AKAP3: variants seen among roughly 807,000 people sequenced by gnomAD.
AKAP3 encodes the protein A-kinase anchor protein 3.
Under a neutral mutation model 57.2 loss-of-function variants are expected in AKAP3, and 27 were observed. That is an observed-to-expected ratio of 0.47 (90% CI 0.35 to 0.65). AKAP3 has a LOEUF of 0.65. Ranked by LOEUF, AKAP3 falls within the 30% of genes least tolerant of loss-of-function variation. The pLI is 0.01. For missense variants in AKAP3, 959 were observed against 1,040.0 expected, an observed-to-expected ratio of 0.92 and a Z score of 1.07; for synonymous variants, 334 against 392.3, an observed-to-expected ratio of 0.85 and a Z score of 1.76.
chr12:4,644,932 T>G (rs1945680678), intron 2 of AKAP3, 123 bp downstream of exon 2: 1 of 151,962 alleles, frequency 6.6e-6, no homozygotes, highest in East Asian at 1.9e-4. Flanking sequence ...AAAAATCAGC[T>G]GGACAGAAGA....
chr12:4,638,439 G>A (rs1207484666), intron 3 of AKAP3, among the ~76,000 whole-genome samples: 2 of 152,068 alleles, frequency 1.3e-5, no homozygotes, highest in East Asian at 1.9e-4. Flanking sequence ...TGGTATCTGC[G>A]ACAGGTGCTT....
rs1945641982 is a variant in AKAP3 at position 4,641,898 on chromosome 12, C to G, written c.-1+1G>C. The G allele has an allele frequency of 6.6e-6, 1 of 152,168 alleles. No individual in the cohort carries two copies. The allele number at this position is 152,168 out of a possible 1,614,324, so 9.4% of individuals were successfully genotyped here. A position where few individuals can be genotyped will look rare whatever the true frequency, so the allele number is the denominator to read the frequency against. Reference sequence around the variant, plus strand: ...AGTACAGAAATTATGTGATCACTTACTCTTACAGAGGATAGGTTCTGAGAT... The same window carrying G: ...AGTACAGAAATTATGTGATCACTTAGTCTTACAGAGGATAGGTTCTGAGAT... On this transcript the variant is annotated splice_donor_variant, in intron 3 of 5. Coordinates refer to ENST00000228850, the MANE Select transcript of AKAP3 (RefSeq NM_001278309.2). LOFTEE classifies it low-confidence loss of function (5UTR_SPLICE).
chr12:4,631,859 C>T (rs1256643086), intron 4 of AKAP3, among the ~76,000 whole-genome samples: 1 of 152,140 alleles, frequency 6.6e-6, no homozygotes, highest in Admixed American at 6.5e-5. Flanking sequence ...AGATATTATA[C>T]AATTGTATGC....
At chr12:4,632,797 C>A (rs774576413) in intron 4 of AKAP3, among the ~76,000 whole-genome samples, 1 of 152,044 alleles carries the variant, frequency 6.6e-6, no homozygotes, top group Non-Finnish European at 1.5e-5. Flanking sequence ...CCCGCCATCA[C>A]GCCCGGCTAA....
chr12:4,636,893 ACGT>A (rs2137443995), intron 4 of AKAP3, among the ~76,000 whole-genome samples: 1 of 151,886 alleles, frequency 6.6e-6, no homozygotes, highest in East Asian at 1.9e-4. Flanking sequence ...GTGACTACAG[ACGT>A]GTGCAACCAC....
chr12:4,629,088 C>A lies in AKAP3; in HGVS notation c.97-283G>T, dbSNP rs1018778806. Among the ~76,000 whole-genome samples the A allele has an allele frequency of 2.0e-5, 3 of 152,206 alleles. No homozygotes were observed. In the South Asian group the frequency reaches 6.2e-4, roughly 32 times the overall value. ...AAATTGAAGAAGTGAGAGGTTAAGT[C>A]TGTAACTTACTTGAAATAATACAGC... On this transcript the variant is annotated intron_variant, in intron 4 of 5. Coordinates refer to ENST00000228850, the MANE Select transcript of AKAP3 (RefSeq NM_001278309.2).
At position 4,627,721 on chromosome 12, in the gene AKAP3, A is replaced by T. The variant is rs1945439145; in HGVS notation, c.1181T>A (p.Val394Asp). 1.9e-6 allele frequency: 3 copies of T among 1,614,114 alleles called. No individual in the cohort carries two copies. The East Asian group carries it at 6.7e-5, about 36-fold the overall frequency. Residue 394 changes from valine to aspartate, a missense_variant, in exon 5 of 6, where the codon GTC becomes GAC. By Grantham distance (152) the Val-to-Asp change is radical. Transcript: ENST00000228850. ...VMFAKKVPEH[V>D]RKAQDKAESY... is the part of the protein sequence containing the mutation. ...CTCAGCCTTGTCTTGGGCTTTCCTG[A>T]CATGCTCAGGGACTTTCTTGGCAAA...
chr12:4,623,650 T>C (rs548305259), intron 5 of AKAP3, among the ~76,000 whole-genome samples: 20 of 116,600 alleles, frequency 1.7e-4, no homozygotes, highest in African/African-American at 5.7e-4. Flanking sequence ...GGGTCAGTAC[T>C]AGGCTTAGTA....
intron 4 of AKAP3, among the ~76,000 whole-genome samples, chr12:4,629,439 G>A (rs1945469864): frequency 6.6e-6 from 1 of 152,124 alleles, no homozygotes; most frequent in Admixed American, 6.6e-5. Context: ...GAGAACACAT[G>A]GACACATAGA....
chr12:4,615,983 G>A, intron 5 of AKAP3, 89 bp from the exon 6 acceptor site: 1 of 1,512,978 alleles, frequency 6.6e-7, no homozygotes, highest in Non-Finnish European at 9.0e-7. Flanking sequence ...AGAGAGGCCA[G>A]GCAGACCTTG....
At position 4,626,778 on chromosome 12, in the gene AKAP3, C is replaced by A. The variant is rs767344757; in HGVS notation, c.2124G>T (p.Ser708=). ...DKSGDASRLT[S]AFPDSLYECL... ...ACTCATATAAACTATCTGGGAAGGC[C>A]GAAGTTAGCCTACTGGCATCTCCAG... is the stretch of plus-strand genomic sequence containing the variant. The change falls in exon 5 of 6, where the codon TCG becomes TCT. Residue 708 remains serine, a synonymous_variant. Coordinates refer to ENST00000228850, the MANE Select transcript of AKAP3 (RefSeq NM_001278309.2). 5 of 1,612,032 alleles carry A rather than the reference C, an allele frequency of 3.1e-6. No individual in the cohort carries two copies. In the South Asian group the frequency reaches 5.5e-5, roughly 18 times the overall value.
intron 2 of AKAP3, 130 bp downstream of exon 2, chr12:4,644,925 A>C (rs894591583): frequency 6.6e-6 from 1 of 152,192 alleles, no homozygotes; most frequent in African/African-American, 2.4e-5. Context: ...ACAAAAAAAA[A>C]ATCAGCTGGA....
chr12:4,627,126 A>G lies in AKAP3; in HGVS notation c.1776T>C (p.Ser592=), dbSNP rs1565551982. 3.1e-6 allele frequency: 5 copies of G among 1,613,834 alleles called. No individual in the cohort carries two copies. Among genetic ancestry groups the G allele is most frequent in the East Asian group, 2.2e-5 (1 of 44,868 alleles). The change falls in exon 5 of 6, where the codon AGT becomes AGC. Residue 592 remains serine (S), a synonymous_variant. Coordinates refer to ENST00000228850, the MANE Select transcript of AKAP3 (RefSeq NM_001278309.2). ...QEQAEKKDLR[S]VFFNFIRNLL... ...AGTTCCGGATGAAATTAAAGAAAAC[A>G]CTCCTTAGGTCCTTCTTTTCTGCTT...
chr12:4,621,143 A>G (rs1288405846), intron 5 of AKAP3, among the ~76,000 whole-genome samples: 1 of 152,190 alleles, frequency 6.6e-6, no homozygotes, highest in Middle Eastern at 3.4e-3. Flanking sequence ...AAAAAAGCTT[A>G]TAAAAAAGAA....
intron 4 of AKAP3, among the ~76,000 whole-genome samples, chr12:4,631,708 A>AC (rs1309329570): frequency 1.3e-5 from 2 of 152,242 alleles, no homozygotes; most frequent in African/African-American, 2.4e-5. Context: ...CTAAGAAAAC[A>AC]AAGTATTTTT....
intron 4 of AKAP3, 91 bp downstream of exon 4, chr12:4,638,010 G>A (rs546417030): frequency 1.3e-5 from 14 of 1,073,140 alleles, no homozygotes; most frequent in Non-Finnish European, 1.9e-5. Context: ...TGAAAAATAA[G>A]AGGTTGGTGG....
At chr12:4,644,238 C>T (rs1465269776) in intron 2 of AKAP3, among the ~76,000 whole-genome samples, 1 of 152,094 alleles carries the variant, frequency 6.6e-6, no homozygotes, top group Non-Finnish European at 1.5e-5. Context: ...ATACTTTCAC[C>T]ACATAGCTAT....
At chr12:4,629,157 C>G (rs1945466650) in intron 4 of AKAP3, among the ~76,000 whole-genome samples, 1 of 152,198 alleles carries the variant, frequency 6.6e-6, no homozygotes, top group Non-Finnish European at 1.5e-5. Context: ...CAGTCTGACT[C>G]CACAGCCCAT....
intron 3 of AKAP3, among the ~76,000 whole-genome samples, chr12:4,638,695 T>C (rs758791566): frequency 6.6e-6 from 1 of 152,262 alleles, no homozygotes; most frequent in Admixed American, 6.5e-5. Flanking sequence ...GTAAGTCTGG[T>C]AGCTCTTTCT....
Sources: allele counts gnomAD v4.1 joint callset (sites outside exome capture counted in the v4.1 genomes callset), GRCh38; gene constraint gnomAD v4.1.1; transcripts MANE v1.5; gene names NCBI Gene and HGNC (gene_info 2026-07-23, HGNC 2026-07-21).